The following NTMT2 variants were observed in gnomAD, a reference collection of about 807,000 sequenced individuals.
NTMT2 encodes N-terminal Xaa-Pro-Lys N-methyltransferase 2.
In NTMT2, 21 loss-of-function variants were observed where a neutral mutation model predicts 23.4. That is an observed-to-expected ratio of 0.90 (90% confidence interval 0.64 to 1.29). The LOEUF (loss-of-function observed/expected upper bound fraction) is 1.29, where lower values mean the gene tolerates loss of function less well. Among genes scored for constraint, NTMT2 ranks in the 50% most tolerant of loss-of-function variants. The pLI is 0.00. For synonymous variants in NTMT2, 131 were observed against 127.7 expected (o/e 1.03, Z -0.17); for missense variants, 336 against 352.0 (o/e 0.95, Z 0.36).
chr1:170,146,331 T>C, intron 1 of NTMT2, 70 bp downstream of exon 1: 1 of 1,386,994 alleles, frequency 7.2e-7, no homozygotes, highest in South Asian at 1.4e-5. Context: ...TCATGGGGCT[T>C]CTAGAAGAGA....
intron 2 of NTMT2, among the ~76,000 whole-genome samples, chr1:170,166,125 C>CTTTTTTTTTTTTTTTT (rs1420113193): frequency 8.9e-6 from 1 of 112,562 alleles, no homozygotes; most frequent in Non-Finnish European, 1.7e-5. Flanking sequence ...AATTTTCTTT[C>CTTTTTTTTTTTTTTTT]TTTTTTTTTT....
intron 2 of NTMT2, among the ~76,000 whole-genome samples, chr1:170,164,792 T>G (rs1318927856): frequency 6.6e-6 from 1 of 152,240 alleles, no homozygotes; most frequent in Non-Finnish European, 1.5e-5. Context: ...TGCCATTAGC[T>G]ATGAAATATT....
chr1:170,165,787 TG>T (rs1365078057), intron 2 of NTMT2, among the ~76,000 whole-genome samples: 1 of 152,136 alleles, frequency 6.6e-6, no homozygotes, highest in African/African-American at 2.4e-5. Context: ...CCTGTGGATT[TG>T]TCTCAAATTT....
chr1:170,147,705 C>T (rs1038816347), intron 1 of NTMT2, among the ~76,000 whole-genome samples: 1 of 152,148 alleles, frequency 6.6e-6, no homozygotes, highest in African/African-American at 2.4e-5. Context: ...TCAATTACAA[C>T]AGCTGAGAAG....
At chr1:170,146,365 G>C in intron 1 of NTMT2, 104 bp downstream of exon 1, 1 of 1,137,566 alleles carries the variant, frequency 8.8e-7, no homozygotes, top group South Asian at 1.5e-5. Context: ...ACACTTTTCA[G>C]ACAAAAAAAA....
intron 1 of NTMT2, among the ~76,000 whole-genome samples, chr1:170,152,392 GAAGA>G (rs1469993954): frequency 1.3e-5 from 2 of 152,178 alleles, no homozygotes; most frequent in African/African-American, 4.8e-5. Flanking sequence ...GTTCAAGAAA[GAAGA>G]GAGTTAGGAA....
At chr1:170,150,064 T>C (rs544317697) in intron 1 of NTMT2, among the ~76,000 whole-genome samples, 104 of 152,344 alleles carry the variant, frequency 6.8e-4, no homozygotes, top group African/African-American at 2.3e-3. Flanking sequence ...TCAAAAAGGC[T>C]AGGAACTTCT....
intron 2 of NTMT2, chr1:170,161,738 C>T (rs1048360041): frequency 2.2e-4 from 34 of 152,162 alleles, no homozygotes; most frequent in African/African-American, 8.0e-4. Flanking sequence ...TACTAACAGG[C>T]TTTCATATAA....
chr1:170,163,779 T>C (rs1309631754), intron 2 of NTMT2, among the ~76,000 whole-genome samples: 5 of 152,208 alleles, frequency 3.3e-5, no homozygotes, highest in Admixed American at 6.5e-5. Context: ...AAATTCCTAA[T>C]AGTGTTTTAC....
intron 1 of NTMT2, among the ~76,000 whole-genome samples, chr1:170,152,657 C>G (rs1673092420): frequency 6.6e-6 from 1 of 152,112 alleles, no homozygotes; most frequent in South Asian, 2.1e-4. Context: ...TGACAGCTTT[C>G]TAGTATCCTG....
At chr1:170,148,198 G>C (rs1673004657) in intron 1 of NTMT2, among the ~76,000 whole-genome samples, 1 of 139,328 alleles carries the variant, frequency 7.2e-6, no homozygotes, top group Non-Finnish European at 1.5e-5. Context: ...GCCCAGGCTG[G>C]AGTGCAGTGG....
chr1:170,167,663 G>C lies in NTMT2; in HGVS notation c.758G>C (p.Gly253Ala), dbSNP rs558215780. Reference protein sequence around the residue: ...DILRSLIRKSGLVVLGQEKQD... With the variant: ...DILRSLIRKSALVVLGQEKQD... ...CTCCGGAGCCTAATAAGGAAGAGTG[G>C]GCTGGTGGTGCTGGGCCAGGAGAAG... Residue 253 changes from glycine (G) to alanine (A), a missense_variant, in exon 4 of 4, where the codon GGG becomes GCG. Transcript: ENST00000439373. The C allele has an allele frequency of 1.1e-4, 171 of 1,551,634 alleles. No individual in the cohort carries two copies. In the African/African-American group the frequency reaches 2.2e-3, roughly 20 times the overall value.
chr1:170,156,879 AT>A (rs1189545986), intron 1 of NTMT2, among the ~76,000 whole-genome samples: 1 of 152,016 alleles, frequency 6.6e-6, no homozygotes, highest in Non-Finnish European at 1.5e-5. Flanking sequence ...GACCATTCCT[AT>A]TTCTAGATTA....
chr1:170,160,714 T>C, intron 2 of NTMT2, 21 bp downstream of exon 2: 1 of 1,505,936 alleles, frequency 6.6e-7, no homozygotes, highest in East Asian at 2.5e-5. Flanking sequence ...CAACTGCAGC[T>C]TGATGAGAAG....
In NTMT2 at chr1:170,168,365, G is replaced by A. The variant is rs1232886598; in HGVS notation, c.*608G>A. Among the ~76,000 whole-genome samples the A allele has an allele frequency of 2.6e-5, 4 of 151,910 alleles. No individual in the cohort carries two copies. Among genetic ancestry groups the A allele is most frequent in the South Asian group, 2.1e-4 (1 of 4,818 alleles). On this transcript the variant is annotated 3_prime_UTR_variant, in exon 4 of 4. Coordinates refer to ENST00000439373, the MANE Select transcript of NTMT2 (RefSeq NM_001136107.2). ...GGAGAAAATCTACACTCCTTTCCCC[G>A]CCTTCATGTCAGCTACATTATACTT... is the stretch of plus-strand genomic sequence containing the variant.
intron 1 of NTMT2, among the ~76,000 whole-genome samples, chr1:170,153,110 C>T (rs142972226): frequency 1.1e-4 from 16 of 152,280 alleles, no homozygotes; most frequent in African/African-American, 3.9e-4. Context: ...GTAAAAGCTC[C>T]CTAAGGCCTC....
chr1:170,167,196 C>G (rs1673411967), intron 3 of NTMT2, among the ~76,000 whole-genome samples: 3 of 152,126 alleles, frequency 2.0e-5, no homozygotes. Flanking sequence ...AGAGGGGGTT[C>G]TCCAGGGGAC....
At chr1:170,166,300 C>T (rs990291799) in intron 2 of NTMT2, among the ~76,000 whole-genome samples, 2 of 71,724 alleles carry the variant, frequency 2.8e-5, no homozygotes, top group East Asian at 5.6e-4. Flanking sequence ...CCATCACGCC[C>T]GGCTAATTTT....
chr1:170,159,629 G>A (rs1673232671), intron 1 of NTMT2, among the ~76,000 whole-genome samples: 2 of 152,020 alleles, frequency 1.3e-5, no homozygotes, highest in African/African-American at 4.8e-5. Flanking sequence ...ACTATTATGG[G>A]TTTAGTGTTT....
Sources: allele counts gnomAD v4.1 joint callset (sites outside exome capture counted in the v4.1 genomes callset), GRCh38; gene constraint gnomAD v4.1.1; transcripts MANE v1.5; gene names NCBI Gene and HGNC (gene_info 2026-07-23, HGNC 2026-07-21).